WNT9B: variants seen among roughly 807,000 people sequenced by gnomAD.
WNT9B encodes the protein Wnt family member 9B.
WNT9B carries 12 observed loss-of-function variants against 30.2 expected under a neutral mutation model. That is an observed-to-expected ratio of 0.40 (90% confidence interval 0.26 to 0.64). The LOEUF is 0.64. Ranked by LOEUF, WNT9B falls within the 30% of genes least tolerant of loss-of-function variation. WNT9B has a pLI of 0.42. For synonymous variants in WNT9B, 218 were observed against 216.9 expected (o/e 1.01, Z -0.05); for missense variants, 442 against 485.2 (o/e 0.91, Z 0.84).
Position 46,879,618 on chromosome 17 carries a change from G to C in WNT9B, c.*2900G>C, listed in dbSNP as rs2085397034. The stretch of plus-strand genomic sequence containing the variant: ...TTACTGTGGCCATTTTATAGATGAG[G>C]TCCAGAGATGGAGAGCTGTGCTCAA... On this transcript the variant is annotated 3_prime_UTR_variant, in exon 4 of 4. Coordinates refer to ENST00000290015, the MANE Select transcript of WNT9B (RefSeq NM_003396.3). Among the ~76,000 whole-genome samples the C allele has an allele frequency of 6.6e-6, 1 of 152,192 alleles. No individual in the cohort carries two copies. Among genetic ancestry groups the C allele is most frequent in the African/African-American group, 2.4e-5 (1 of 41,448 alleles).
rs1422353083 is a variant in WNT9B at position 46,851,656 on chromosome 17, G to T, written c.18G>T (p.Ala6=). The T allele has an allele frequency of 3.9e-6, 5 of 1,289,578 alleles. No homozygotes were observed. Among genetic ancestry groups the T allele is most frequent in the Non-Finnish European group, 4.9e-6 (5 of 1,022,480 alleles). The allele number at this position is 1,289,578 out of a possible 1,614,324, so 79.9% of individuals were successfully genotyped here. The change falls in exon 1 of 4, where the codon GCG becomes GCT. Residue 6 remains alanine, a synonymous_variant. Transcript: ENST00000290015. This position sits in a 1 kb window ranked among gnomAD's most constrained non-coding sequence, Gnocchi z 4.3. ...CCAGCACCATGCGCCCCCCGCCCGC[G>T]CTGGCCCTGGCCGGGCTCTGCCTGC... MRPPP[A]LALAGLCLLA...
In WNT9B at chr17:46,879,465, A is replaced by G. The variant is rs1158874375; in HGVS notation, c.*2747A>G. 6.6e-6 allele frequency among the ~76,000 whole-genome samples: 1 copy of G among 152,218 alleles called. No homozygotes were observed. The highest frequency in any genetic ancestry group is 1.5e-5 in the Non-Finnish European group (1 of 68,042). ...CTCTGGCAAAAGTGTCTTACTCATA[A>G]TGATAATGACAACGAGAATTCCCAC... On this transcript the variant is annotated 3_prime_UTR_variant, in exon 4 of 4. Transcript: ENST00000290015.
Position 46,879,924 on chromosome 17 carries a change from C to T in WNT9B, c.*3206C>T, listed in dbSNP as rs1350816498. ...CCCATGGAGGCCACTCCAAGGGGTC[C>T]TTCTGCCCACACTGCCCAAGAAGCT... On this transcript the variant is annotated 3_prime_UTR_variant, in exon 4 of 4. Coordinates refer to ENST00000290015, the MANE Select transcript of WNT9B (RefSeq NM_003396.3). 6.6e-6 allele frequency among the ~76,000 whole-genome samples: 1 copy of T among 152,240 alleles called. No individual in the cohort carries two copies. The highest frequency in any genetic ancestry group is 6.5e-5 in the Admixed American group (1 of 15,282).
intron 1 of WNT9B, among the ~76,000 whole-genome samples, chr17:46,865,686 G>A (rs913438514): frequency 6.6e-6 from 1 of 152,112 alleles, no homozygotes; most frequent in African/African-American, 2.4e-5. Context: ...CGTGATCATG[G>A]CCCACTGCAG....
downstream of WNT9B, among the ~76,000 whole-genome samples, chr17:46,883,113 G>A (rs948148877): frequency 1.3e-5 from 2 of 151,830 alleles, no homozygotes; most frequent in Non-Finnish European, 2.9e-5. Context: ...CGAGTAGCTG[G>A]GACTCCAGGT....
upstream of WNT9B, among the ~76,000 whole-genome samples, chr17:46,849,817 T>A (rs972795135): frequency 1.3e-5 from 2 of 151,780 alleles, no homozygotes; most frequent in African/African-American, 4.8e-5. Flanking sequence ...ATCACTGATA[T>A]TAGGTGCCGG....
chr17:46,868,930 G>A (rs1221572913), intron 1 of WNT9B, among the ~76,000 whole-genome samples: 1 of 152,238 alleles, frequency 6.6e-6, no homozygotes, highest in African/African-American at 2.4e-5. Context: ...ATAATTCACT[G>A]TTGAGGAAAA....
intron 1 of WNT9B, among the ~76,000 whole-genome samples, chr17:46,870,243 C>T (rs1174797689): frequency 6.6e-6 from 1 of 152,132 alleles, no homozygotes; most frequent in East Asian, 1.9e-4. Flanking sequence ...CACACCAGCC[C>T]TCGGTGTGAG....
At chr17:46,844,719 C>T (rs976553337) in intron 1 of WNT9B, among the ~76,000 whole-genome samples, 4 of 152,160 alleles carry the variant, frequency 2.6e-5, no homozygotes, top group Non-Finnish European at 2.9e-5. Flanking sequence ...TCTGTGCAGA[C>T]CCAAATCTAT....
intron 1 of WNT9B, among the ~76,000 whole-genome samples, chr17:46,871,360 C>T (rs2085240877): frequency 2.6e-5 from 4 of 152,194 alleles, no homozygotes; most frequent in Admixed American, 2.6e-4. Flanking sequence ...AGCCATCTCA[C>T]AGAGAGCTTC....
chr17:46,848,332 A>G (rs1326470806), upstream of WNT9B, among the ~76,000 whole-genome samples: 1 of 152,238 alleles, frequency 6.6e-6, no homozygotes, highest in African/African-American at 2.4e-5. Context: ...TAAAAAGGCC[A>G]CAAACCAGGG....
In WNT9B at chr17:46,876,422, G is replaced by C. The variant is rs1390279271; in HGVS notation, c.778G>C (p.Glu260Gln). The C allele has an allele frequency of 6.2e-7, 1 of 1,613,672 alleles. No individual in the cohort carries two copies. Among genetic ancestry groups the C allele is most frequent in the Non-Finnish European group, 8.5e-7 (1 of 1,180,040 alleles). The change falls in exon 4 of 4, where the codon GAG becomes CAG. Residue 260 changes from glutamate to glutamine, a missense_variant. Transcript: ENST00000290015. ...CACCAATGAGGCCTTGGGCCGCCTA[G>C]AGCTGTGGGCCCCTGCCAGGCAGGG... ...SATNEALGRL[E>Q]LWAPARQGSL... is the part of the protein sequence containing the mutation.
chr17:46,864,776 C>A (rs1235747849), intron 1 of WNT9B, among the ~76,000 whole-genome samples: 1 of 152,308 alleles, frequency 6.6e-6, no homozygotes, highest in East Asian at 1.9e-4. Context: ...TGCTACCAAG[C>A]CAGTGGGTCG....
Position 46,876,766 on chromosome 17 carries a change from C to T in WNT9B, c.*48C>T, listed in dbSNP as rs373971292. 72 of 1,495,074 alleles carry T rather than the reference C, an allele frequency of 4.8e-5. No individual in the cohort carries two copies. Among genetic ancestry groups the T allele is most frequent in the Middle Eastern group, 4.2e-4 (2 of 4,720 alleles). 92.6% of individuals were successfully genotyped at this position (1,495,074 alleles called of 1,614,324 possible). On this transcript the variant is annotated 3_prime_UTR_variant, in exon 4 of 4. Transcript: ENST00000290015. ...CTGGCACTGCCAGGACCTCCTGTGG[C>T]ACCCTTCAAGCTGCCCAGCCGGCCC...
At chr17:46,883,477 G>C (rs1486924707), downstream of WNT9B, among the ~76,000 whole-genome samples, 10 of 151,724 alleles carry the variant, frequency 6.6e-5, no homozygotes, top group African/African-American at 2.4e-4. Context: ...TAGAGACGGG[G>C]TTTCACCATG....
downstream of WNT9B, among the ~76,000 whole-genome samples, chr17:46,884,410 T>C (rs2085464559): frequency 6.6e-6 from 1 of 152,156 alleles, no homozygotes; most frequent in Non-Finnish European, 1.5e-5. Flanking sequence ...CAGGAAGGAT[T>C]AAGGGGCGTG....
At chr17:46,843,197 T>C (rs918850565) in intron 1 of WNT9B, among the ~76,000 whole-genome samples, 2 of 152,216 alleles carry the variant, frequency 1.3e-5, no homozygotes, top group Non-Finnish European at 2.9e-5. Flanking sequence ...TATTTCAGAA[T>C]CAACAACAGA....
At chr17:46,844,186 G>A (rs1367270786) in intron 1 of WNT9B, among the ~76,000 whole-genome samples, 1 of 151,896 alleles carries the variant, frequency 6.6e-6, no homozygotes, top group Non-Finnish European at 1.5e-5. Context: ...TGAACTCCTG[G>A]CCTCAAGCAA....
In WNT9B at chr17:46,875,331, C is replaced by A. The variant is rs147677642; in HGVS notation, c.565C>A (p.Arg189=). 18 of 1,611,752 alleles carry A rather than the reference C, an allele frequency of 1.1e-5. No homozygotes were observed. The African/African-American group carries it at 2.1e-4, about 19-fold the overall frequency. The part of the protein sequence containing the change: ...SKRGNKDLRA[R]ADAHNTHVGI... ...GAGAGGAAACAAGGACCTGCGGGCACGGGCAGACGCCCACAATACCCACGT... is the reference window on the plus strand; with the variant it reads ...GAGAGGAAACAAGGACCTGCGGGCAAGGGCAGACGCCCACAATACCCACGT... The change falls in exon 3 of 4, where the codon CGG becomes AGG. Residue 189 remains arginine (R), a synonymous_variant. Coordinates refer to ENST00000290015, the MANE Select transcript of WNT9B (RefSeq NM_003396.3).
Sources: gnomAD v4.1 joint callset for allele counts (sites outside exome capture counted in the v4.1 genomes callset) on GRCh38, gnomAD v4.1.1 for gene constraint, Gnocchi (gnomAD v3.1) non-coding constraint, MANE v1.5 for transcripts, NCBI Gene and HGNC (gene_info 2026-07-23, HGNC 2026-07-21) for gene names.